The following DCBLD2 variants were observed in gnomAD, a reference collection of about 807,000 sequenced individuals.
DCBLD2 encodes discoidin, CUB and LCCL domain-containing protein 2.
A neutral mutation model predicts 86.8 loss-of-function variants in DCBLD2; 54 were observed. The observed-to-expected ratio is 0.62, with a 90% CI of 0.50 to 0.78. The LOEUF is 0.78. Ranked by LOEUF, DCBLD2 falls within the 30% of genes least tolerant of loss-of-function variation. The pLI is 0.00. For missense variants in DCBLD2, 908 were observed against 954.2 expected (o/e 0.95, Z 0.64); for synonymous variants, 354 against 341.3 (o/e 1.04, Z -0.41).
intron 4 of DCBLD2, among the ~76,000 whole-genome samples, chr3:98,823,973 CA>C (rs1942169728): frequency 6.6e-6 from 1 of 152,040 alleles, no homozygotes; most frequent in Admixed American, 6.5e-5. Context: ...GTCACTAGAA[CA>C]AGTGGTGGGA....
chr3:98,800,891 C>A, intron 14 of DCBLD2, 175 bp from the exon 15 acceptor site: 1 of 714,824 alleles, frequency 1.4e-6, no homozygotes, highest in South Asian at 2.0e-5. Context: ...CTATCCAGCA[C>A]CAAGCAGTAC....
intron 3 of DCBLD2, among the ~76,000 whole-genome samples, chr3:98,833,604 T>G (rs1323577847): frequency 6.6e-6 from 1 of 152,142 alleles, no homozygotes; most frequent in African/African-American, 2.4e-5. Flanking sequence ...ATTGAAGTGG[T>G]CAGGTGGGGG....
At chr3:98,841,224 C>G (rs899923594) in intron 3 of DCBLD2, among the ~76,000 whole-genome samples, 2 of 152,096 alleles carry the variant, frequency 1.3e-5, no homozygotes, top group Non-Finnish European at 2.9e-5. Context: ...GGAGAGAATA[C>G]AAATGTGAAG....
intron 2 of DCBLD2, among the ~76,000 whole-genome samples, chr3:98,858,841 C>T (rs889415246): frequency 3.9e-5 from 6 of 152,100 alleles, no homozygotes; most frequent in South Asian, 2.1e-4. Context: ...CCAAGATGGC[C>T]GAATAGGAAC....
intron 2 of DCBLD2, among the ~76,000 whole-genome samples, chr3:98,851,191 A>T (rs1942829466): frequency 6.6e-6 from 1 of 152,216 alleles, no homozygotes; most frequent in South Asian, 2.1e-4. Context: ...TATATTTAGA[A>T]AACCCCATTG....
chr3:98,894,579 C>T (rs1241989257), intron 1 of DCBLD2, among the ~76,000 whole-genome samples: 1 of 152,072 alleles, frequency 6.6e-6, no homozygotes, highest in African/African-American at 2.4e-5. Context: ...CAAGGGTGTG[C>T]AGCAAAGGAG....
Position 98,889,087 on chromosome 3 carries a change from A to G in DCBLD2, c.206-7320T>C, listed in dbSNP as rs1383592164. The stretch of plus-strand genomic sequence containing the variant: ...GCCTCACGTCCAATACATTAACTAC[A>G]CTCTTTCTGATATCTTCGCTTTCTA... On this transcript the variant is annotated intron_variant, in intron 1 of 15. Transcript: ENST00000326840. 5.3e-5 allele frequency among the ~76,000 whole-genome samples: 8 copies of G among 151,386 alleles called. No individual in the cohort carries two copies. In the South Asian group the frequency reaches 8.3e-4, roughly 16 times the overall value.
Position 98,839,157 on chromosome 3 carries a change from T to TTCTC in DCBLD2, c.571+10303_571+10304insGAGA, listed in dbSNP as rs376370581. On this transcript the variant is annotated intron_variant, in intron 3 of 15. Coordinates refer to ENST00000326840, the MANE Select transcript of DCBLD2 (RefSeq NM_080927.4). ...CTTCCTTCCTTCCTTCTTTCTTTCTTTCTTTCTTTCTTTCCTTTCTTTCTT... is the reference window on the plus strand; with the variant it reads ...CTTCCTTCCTTCCTTCTTTCTTTCTTTCTCTCTTTCTTTCTTTCCTTTCTTTCTT... Among the ~76,000 whole-genome samples, 6 of 69,656 alleles carry TTCTC rather than the reference T, an allele frequency of 8.6e-5. 1 individual carries two copies. The highest frequency in any genetic ancestry group is 1.1e-3 in the South Asian group (2 of 1,866). The allele number at this position is 69,656 out of a possible 152,430, so 45.7% of individuals were successfully genotyped here.
intron 2 of DCBLD2, among the ~76,000 whole-genome samples, chr3:98,851,664 C>T (rs1290983713): frequency 6.6e-6 from 1 of 152,170 alleles, no homozygotes; most frequent in East Asian, 1.9e-4. Flanking sequence ...GGAGGCATCA[C>T]GCTACCTGAC....
intron 3 of DCBLD2, among the ~76,000 whole-genome samples, chr3:98,838,993 C>A (rs1044423187): frequency 2.7e-5 from 4 of 145,522 alleles, no homozygotes; most frequent in African/African-American, 1.0e-4. Flanking sequence ...GCAGTACAGT[C>A]CAGCTTCGGC....
intron 2 of DCBLD2, among the ~76,000 whole-genome samples, chr3:98,867,968 A>C (rs974487203): frequency 7.9e-5 from 12 of 151,990 alleles, no homozygotes; most frequent in Non-Finnish European, 1.3e-4. Flanking sequence ...GCGCCCGGCT[A>C]CTTTTTTTGT....
chr3:98,864,655 G>A (rs1044026325), intron 2 of DCBLD2, among the ~76,000 whole-genome samples: 8 of 152,140 alleles, frequency 5.3e-5, no homozygotes, highest in African/African-American at 1.9e-4. Flanking sequence ...ATTGAACAAT[G>A]AGAACACTTG....
chr3:98,863,264 A>G (rs1015344950), intron 2 of DCBLD2, among the ~76,000 whole-genome samples: 3 of 152,380 alleles, frequency 2.0e-5, no homozygotes, highest in East Asian at 1.9e-4. Context: ...GGAAGAATCA[A>G]TATCATGAAA....
intron 1 of DCBLD2, among the ~76,000 whole-genome samples, chr3:98,898,053 G>T (rs1326679409): frequency 6.6e-6 from 1 of 151,916 alleles, no homozygotes; most frequent in Non-Finnish European, 1.5e-5. Context: ...CAATAAAAAA[G>T]ATTTCGAAGA....
chr3:98,804,408 T>G (rs1941791036), intron 13 of DCBLD2, among the ~76,000 whole-genome samples: 1 of 152,338 alleles, frequency 6.6e-6, no homozygotes, highest in East Asian at 1.9e-4. Flanking sequence ...TTTATCATTT[T>G]TTATTGCATC....
chr3:98,867,018 G>C (rs1046653047), intron 2 of DCBLD2, among the ~76,000 whole-genome samples: 2 of 152,132 alleles, frequency 1.3e-5, no homozygotes, highest in Non-Finnish European at 2.9e-5. Context: ...GATGGTTGTA[G>C]ATGTGTGGTA....
At chr3:98,857,147 G>A (rs1170237934) in intron 2 of DCBLD2, among the ~76,000 whole-genome samples, 1 of 152,156 alleles carries the variant, frequency 6.6e-6, no homozygotes, top group African/African-American at 2.4e-5. Flanking sequence ...GACCTTCGTG[G>A]TGAGTGTTAC....
intron 9 of DCBLD2, chr3:98,816,214 C>T (rs1321730816): frequency 2.1e-5 from 3 of 145,840 alleles, no homozygotes; most frequent in Admixed American, 7.0e-5. Context: ...CAGCAGACAA[C>T]GTATTTCAAT....
At chr3:98,822,049 A>G in intron 6 of DCBLD2, 179 bp downstream of exon 6, 1 of 806,600 alleles carries the variant, frequency 1.2e-6, no homozygotes, top group Non-Finnish European at 2.1e-6. Flanking sequence ...TCTGTCTCAA[A>G]CAAAACAAAA....
Sources: allele counts gnomAD v4.1 joint callset (sites outside exome capture counted in the v4.1 genomes callset), GRCh38; gene constraint gnomAD v4.1.1; transcripts MANE v1.5; gene names NCBI Gene and HGNC (gene_info 2026-07-23, HGNC 2026-07-21).